PPARGC1A: variants seen among roughly 807,000 people sequenced by gnomAD.
The protein encoded by PPARGC1A is PPARG coactivator 1 alpha, also known as peroxisome proliferator-activated receptor gamma coactivator 1-alpha.
In PPARGC1A, 25 loss-of-function variants were observed where a neutral mutation model predicts 88.7. That is an observed-to-expected ratio of 0.28 (90% CI 0.21 to 0.39). PPARGC1A has a LOEUF of 0.39. PPARGC1A is among the 10% of genes least tolerant of loss of function. The probability of loss-of-function intolerance (pLI) is 1.00; values close to 1 mark genes in which losing one functional copy is unlikely to be tolerated. For missense variants in PPARGC1A, 880 were observed against 968.7 expected, an observed-to-expected ratio of 0.91 and a Z score of 1.22; for synonymous variants, 363 against 355.6, an observed-to-expected ratio of 1.02 and a Z score of -0.24.
chr4:23,904,059 T>C (rs962426656), upstream of PPARGC1A: 1 of 982,598 alleles, frequency 1.0e-6, no homozygotes, highest in African/African-American at 1.8e-5. Flanking sequence ...GCAGTGCAAA[T>C]ACTGGTATCA....
At chr4:23,904,928 T>C (rs1052844068), upstream of PPARGC1A, among the ~76,000 whole-genome samples, 4 of 152,214 alleles carry the variant, frequency 2.6e-5, no homozygotes, top group Admixed American at 6.5e-5. Flanking sequence ...ATTCTCCTTT[T>C]TGTTGTATCT....
chr4:24,375,236 T>C, the PPARGC1A span, among the ~76,000 whole-genome samples: 1 of 149,202 alleles, frequency 6.7e-6, no homozygotes, highest in African/African-American at 2.4e-5. Context: ...GGTTAAGGTT[T>C]GTGAAATTTA....
chr4:24,328,366 C>T, the PPARGC1A span, among the ~76,000 whole-genome samples: 1 of 151,918 alleles, frequency 6.6e-6, no homozygotes, highest in East Asian at 1.9e-4. Flanking sequence ...ATGTCTTCTA[C>T]CACAGACCTT....
At chr4:23,822,509 C>A (rs1048763858) in intron 7 of PPARGC1A, among the ~76,000 whole-genome samples, 2 of 152,056 alleles carry the variant, frequency 1.3e-5, no homozygotes, top group African/African-American at 4.8e-5. Flanking sequence ...CAATCAATGT[C>A]TTTAAACTTG....
chr4:23,913,846 T>A, the PPARGC1A span, among the ~76,000 whole-genome samples: 2 of 152,188 alleles, frequency 1.3e-5, no homozygotes, highest in South Asian at 2.1e-4. Context: ...TGCTCATTCA[T>A]CCATCTGCAT....
chr4:23,945,043 C>A, the PPARGC1A span, among the ~76,000 whole-genome samples: 1 of 152,202 alleles, frequency 6.6e-6, no homozygotes, highest in East Asian at 1.9e-4. Context: ...TAAAAATAGT[C>A]ATTGCACATA....
At chr4:24,092,094 A>T in the PPARGC1A span, among the ~76,000 whole-genome samples, 27 of 152,088 alleles carry the variant, frequency 1.8e-4, no homozygotes, top group Non-Finnish European at 1.3e-4. Context: ...CAGCGTATGA[A>T]TCACTCAGCA....
chr4:23,975,532 C>T, the PPARGC1A span, among the ~76,000 whole-genome samples: 1 of 152,144 alleles, frequency 6.6e-6, no homozygotes, highest in Non-Finnish European at 1.5e-5. Context: ...ATTCTCGTTC[C>T]TCAACCTCCC....
chr4:24,046,036 T>C, the PPARGC1A span, among the ~76,000 whole-genome samples: 5 of 152,172 alleles, frequency 3.3e-5, no homozygotes, highest in Admixed American at 6.5e-5. Flanking sequence ...TGAACAAATA[T>C]TGTGAGTACA....
At chr4:24,198,475 T>C in the PPARGC1A span, among the ~76,000 whole-genome samples, 2 of 152,138 alleles carry the variant, frequency 1.3e-5, no homozygotes, top group Admixed American at 6.5e-5. Flanking sequence ...CTCAAGCACA[T>C]GCCCCCTCAG....
the PPARGC1A span, among the ~76,000 whole-genome samples, chr4:24,347,378 C>A: frequency 6.6e-6 from 1 of 152,046 alleles, no homozygotes; most frequent in Non-Finnish European, 1.5e-5. Context: ...AAGTCCACCA[C>A]TATTATTGTG....
chr4:23,920,908 C>T, the PPARGC1A span, among the ~76,000 whole-genome samples: 4 of 152,270 alleles, frequency 2.6e-5, no homozygotes, highest in East Asian at 7.8e-4. Flanking sequence ...AGCCAGAACT[C>T]CCATCTCTGC....
At chr4:24,246,352 C>T in the PPARGC1A span, among the ~76,000 whole-genome samples, 1 of 152,112 alleles carries the variant, frequency 6.6e-6, no homozygotes, top group African/African-American at 2.4e-5. Context: ...ATGTTTGTGC[C>T]TGGGGAAACA....
At chr4:24,321,578 A>G in the PPARGC1A span, among the ~76,000 whole-genome samples, 1 of 152,248 alleles carries the variant, frequency 6.6e-6, no homozygotes, top group East Asian at 1.9e-4. Context: ...CCCTGCCGGA[A>G]CTACTTTTCC....
the PPARGC1A span, among the ~76,000 whole-genome samples, chr4:24,007,998 A>C: frequency 9.9e-5 from 15 of 152,250 alleles, no homozygotes; most frequent in African/African-American, 3.6e-4. Context: ...ACATCTTGGG[A>C]GCAATACCCA....
rs78105193 is a variant in PPARGC1A at position 23,804,635 on chromosome 4, G to A, written c.2020-2290C>T. 8.3e-3 allele frequency among the ~76,000 whole-genome samples: 1,265 copies of A among 152,290 alleles called. 30 individuals are homozygous for A. The highest frequency in any genetic ancestry group is 0.082 in the South Asian group (397 of 4,828). On this transcript the variant is annotated intron_variant, in intron 10 of 12. Coordinates refer to ENST00000264867, the MANE Select transcript of PPARGC1A (RefSeq NM_013261.5). ...AACAAGACCTACAAGGCCCTGTATG[G>A]TCTGGGCCTGTTGTCATCATGGGCT...
the PPARGC1A span, among the ~76,000 whole-genome samples, chr4:24,257,269 T>C: frequency 6.6e-6 from 1 of 152,130 alleles, no homozygotes; most frequent in Admixed American, 6.5e-5. Flanking sequence ...TATAAGACCC[T>C]TGCAGACTTA....
the PPARGC1A span, among the ~76,000 whole-genome samples, chr4:24,162,766 ATT>A: frequency 6.6e-6 from 1 of 151,364 alleles, no homozygotes; most frequent in Admixed American, 6.6e-5. Flanking sequence ...TAATTTTTGT[ATT>A]TTTTTAGTAG....
At chr4:24,269,854 T>C in the PPARGC1A span, among the ~76,000 whole-genome samples, 1 of 152,178 alleles carries the variant, frequency 6.6e-6, no homozygotes, top group Non-Finnish European at 1.5e-5. Flanking sequence ...TGTATAAAGC[T>C]CTTAAACTTC....
Sources: allele counts gnomAD v4.1 joint callset (sites outside exome capture counted in the v4.1 genomes callset), GRCh38; gene constraint gnomAD v4.1.1; transcripts MANE v1.5; gene names NCBI Gene and HGNC (gene_info 2026-07-23, HGNC 2026-07-21).